ROR2: variants seen among roughly 807,000 people sequenced by gnomAD.
ROR2 encodes ROR family WNT receptor 2.
A neutral mutation model predicts 74.9 loss-of-function variants in ROR2; 33 were observed. The observed-to-expected ratio is 0.44, with a 90% confidence interval of 0.33 to 0.59. ROR2 has a LOEUF of 0.59. Among genes scored for constraint, ROR2 ranks in the 20% least tolerant of loss-of-function variants. The pLI is 0.02. For missense variants in ROR2, 1,216 were observed against 1,313.8 expected (o/e 0.93, Z 1.15); for synonymous variants, 586 against 558.7 (o/e 1.05, Z -0.69).
At chr9:91,929,012 A>G (rs1831481344) in intron 1 of ROR2, among the ~76,000 whole-genome samples, 1 of 152,266 alleles carries the variant, frequency 6.6e-6, no homozygotes, top group Admixed American at 6.5e-5. Flanking sequence ...TTTTCTCTGC[A>G]GAAGGCTGGG....
chr9:91,949,127 G>A (rs1426815816), intron 1 of ROR2, among the ~76,000 whole-genome samples: 1 of 150,656 alleles, frequency 6.6e-6, no homozygotes, highest in Non-Finnish European at 1.5e-5. Flanking sequence ...GGTCCCCCCG[G>A]CGCGGCCAGA....
chr9:91,896,916 T>C (rs544329024), intron 1 of ROR2, among the ~76,000 whole-genome samples: 122 of 152,314 alleles, frequency 8.0e-4, no homozygotes, highest in African/African-American at 2.8e-3. Context: ...GCAAACACCG[T>C]TGGGCTCCAC....
intron 1 of ROR2, among the ~76,000 whole-genome samples, chr9:91,816,103 G>A (rs1234352796): frequency 6.6e-6 from 1 of 152,044 alleles, no homozygotes; most frequent in Non-Finnish European, 1.5e-5. Context: ...CCTCAAGCCG[G>A]TCCATCGGTC....
intron 4 of ROR2, among the ~76,000 whole-genome samples, chr9:91,742,222 C>A (rs1049271894): frequency 6.6e-6 from 1 of 152,160 alleles, no homozygotes; most frequent in Non-Finnish European, 1.5e-5. Flanking sequence ...GTGAGACTTA[C>A]TGTGACAAGA....
At chr9:91,785,408 G>A (rs1212076379) in intron 1 of ROR2, among the ~76,000 whole-genome samples, 1 of 152,184 alleles carries the variant, frequency 6.6e-6, no homozygotes, top group Non-Finnish European at 1.5e-5. Flanking sequence ...TCTTTCCAGA[G>A]CACTGTGTGT....
intron 1 of ROR2, among the ~76,000 whole-genome samples, chr9:91,863,153 A>C (rs1354295472): frequency 1.3e-5 from 2 of 152,226 alleles, no homozygotes; most frequent in Admixed American, 1.3e-4. Context: ...TGGGGCAAAC[A>C]ATCTGGCAGT....
intron 1 of ROR2, among the ~76,000 whole-genome samples, chr9:91,785,316 T>C (rs1009468027): frequency 6.6e-6 from 1 of 152,230 alleles, no homozygotes; most frequent in Non-Finnish European, 1.5e-5. Flanking sequence ...TGTTTCAATG[T>C]GAGTTCCTAC....
chr9:91,945,787 T>C (rs992449116), intron 1 of ROR2, among the ~76,000 whole-genome samples: 11 of 152,204 alleles, frequency 7.2e-5, no homozygotes, highest in Non-Finnish European at 1.5e-4. Flanking sequence ...TCTACGAATA[T>C]GATTTTAAAC....
chr9:91,789,577 T>C (rs1217467373), intron 1 of ROR2, among the ~76,000 whole-genome samples: 1 of 152,222 alleles, frequency 6.6e-6, no homozygotes, highest in African/African-American at 2.4e-5. Flanking sequence ...GGAAGCAAGA[T>C]ATTTTGCAGG....
rs1035426272 is a variant in ROR2 at position 91,938,799 on chromosome 9, G to A, written c.97+11068C>T. 3.9e-5 allele frequency among the ~76,000 whole-genome samples: 6 copies of A among 152,264 alleles called. No homozygotes were observed. The East Asian group carries it at 1.2e-3, about 29-fold the overall frequency. ...CATCAGTAGATCCCCATATTGACTTGCATTTGTAGAATAACCCACAGTTGA... is the reference window on the plus strand; with the variant it reads ...CATCAGTAGATCCCCATATTGACTTACATTTGTAGAATAACCCACAGTTGA... On this transcript the variant is annotated intron_variant, in intron 1 of 8. Coordinates refer to ENST00000375708, the MANE Select transcript of ROR2 (RefSeq NM_004560.4).
chr9:91,814,685 C>T (rs1827871388), intron 1 of ROR2, among the ~76,000 whole-genome samples: 1 of 152,226 alleles, frequency 6.6e-6, no homozygotes, highest in African/African-American at 2.4e-5. Context: ...GGCATTACCA[C>T]CATGTGCTCC....
Position 91,726,536 on chromosome 9 carries a change from G to A in ROR2, c.1386+5C>T. On this transcript the variant is annotated splice_donor_5th_base_variant and intron_variant, in intron 8 of 8. Transcript: ENST00000375708. ...ACCCGGGTAGAAAATGTAAGGCATG[G>A]AGACCTGTTTGTGCTGGTTAATGAG... The A allele has an allele frequency of 1.9e-6, 3 of 1,611,684 alleles. No homozygotes were observed. The highest frequency in any genetic ancestry group is 1.1e-5 in the South Asian group (1 of 91,006).
rs773389306 is a variant in ROR2 at position 91,724,496 on chromosome 9, G to A, written c.1998C>T (p.Tyr666=). 1.5e-5 allele frequency: 24 copies of A among 1,614,060 alleles called. No homozygotes were observed. Among genetic ancestry groups the A allele is most frequent in the Admixed American group, 5.0e-5 (3 of 60,012 alleles). ...IRWMAPEAIM[Y]GKFSIDSDIW... ...TGTCTGAGTCGATGGAGAACTTGCC[G>A]TACATGATGGCCTCTGGGGCCATCC... Residue 666 remains tyrosine (Y), a synonymous_variant, in exon 9 of 9, where the codon TAC becomes TAT. Transcript: ENST00000375708.
chr9:91,826,249 C>CG (rs772755847), intron 1 of ROR2, among the ~76,000 whole-genome samples: 4 of 152,160 alleles, frequency 2.6e-5, no homozygotes, highest in Non-Finnish European at 5.9e-5. Context: ...GAACATGGTG[C>CG]GGCATAGTGA....
chr9:91,846,685 T>C (rs1392884987), intron 1 of ROR2, among the ~76,000 whole-genome samples: 1 of 151,862 alleles, frequency 6.6e-6, no homozygotes, highest in Non-Finnish European at 1.5e-5. Context: ...AAGTTTCGAG[T>C]CTTGCCTGTA....
chr9:91,773,871 C>T (rs1266538306), intron 2 of ROR2, among the ~76,000 whole-genome samples: 1 of 152,204 alleles, frequency 6.6e-6, no homozygotes, highest in East Asian at 1.9e-4. Flanking sequence ...AGATGTGTTC[C>T]TCTTCTACCC....
intron 1 of ROR2, among the ~76,000 whole-genome samples, chr9:91,824,848 G>A (rs1014702235): frequency 3.9e-5 from 6 of 152,186 alleles, no homozygotes; most frequent in Non-Finnish European, 7.3e-5. Flanking sequence ...GCAGGAGGGG[G>A]TGACGGGCAA....
At chr9:91,783,277 A>G (rs774760614) in intron 1 of ROR2, among the ~76,000 whole-genome samples, 10 of 152,180 alleles carry the variant, frequency 6.6e-5, no homozygotes, top group Non-Finnish European at 1.0e-4. Flanking sequence ...CTGTGTTTCT[A>G]TTTTCAGGGA....
In ROR2 at chr9:91,733,758, C is replaced by T. The variant is rs1372132026; in HGVS notation, c.623-322G>A. On this transcript the variant is annotated intron_variant, in intron 5 of 8. Transcript: ENST00000375708. The surrounding 1 kb of genome is among the most constrained non-coding windows in gnomAD (Gnocchi z 5.7). Reference sequence around the variant, plus strand: ...TAGCTCACTCCGCTAGGTGCTTCTTCCAGGACAAGAGGGTTCAGACTTCAG... The same window carrying T: ...TAGCTCACTCCGCTAGGTGCTTCTTTCAGGACAAGAGGGTTCAGACTTCAG... Among the ~76,000 whole-genome samples the T allele has an allele frequency of 6.6e-6, 1 of 152,194 alleles. No homozygotes were observed. The highest frequency in any genetic ancestry group is 2.4e-5 in the African/African-American group (1 of 41,436).
Sources: gnomAD v4.1 joint callset for allele counts (sites outside exome capture counted in the v4.1 genomes callset) on GRCh38, gnomAD v4.1.1 for gene constraint, Gnocchi (gnomAD v3.1) non-coding constraint, MANE v1.5 for transcripts, NCBI Gene and HGNC (gene_info 2026-07-23, HGNC 2026-07-21) for gene names.